The following IBA57 variants were observed in gnomAD, a reference collection of about 807,000 sequenced individuals.
IBA57 encodes the protein iron-sulfur cluster assembly factor IBA57, mitochondrial.
A neutral mutation model predicts 20.4 loss-of-function variants in IBA57; 20 were observed. That is an observed-to-expected ratio of 0.98 (90% confidence interval 0.69 to 1.42). The LOEUF is 1.42. IBA57 is among the 40% of genes most tolerant of loss of function. The pLI is 0.00. For missense variants in IBA57, 608 were observed against 499.3 expected (o/e 1.22, Z -2.07); for synonymous variants, 310 against 233.9 (o/e 1.33, Z -2.97).
chr1:228,173,801 G>T (rs562070704), intron 1 of IBA57, among the ~76,000 whole-genome samples: 6 of 152,334 alleles, frequency 3.9e-5, no homozygotes, highest in South Asian at 4.1e-4. Flanking sequence ...TTCTGCCCTA[G>T]GCTCTGGGAC....
At position 228,170,860 on chromosome 1, in the gene IBA57, C is replaced by T. The variant is rs781496057; in HGVS notation, c.342-3832C>T. Among the ~76,000 whole-genome samples the T allele has an allele frequency of 6.6e-6, 1 of 152,128 alleles. No homozygotes were observed. The highest frequency in any genetic ancestry group is 1.5e-5 in the Non-Finnish European group (1 of 68,022). On this transcript the variant is annotated intron_variant, in intron 1 of 2. Coordinates refer to ENST00000366711, the MANE Select transcript of IBA57 (RefSeq NM_001010867.4). The surrounding 1 kb of genome is among the most constrained non-coding windows in gnomAD (Gnocchi z 4.8). ...AGGGAGGAGAGAGAAGGGAAGGAGT[C>T]AGGCCGGGTCCCAGAGCAGTGTTTT...
Position 228,175,554 on chromosome 1 carries a change from G to T in IBA57, c.*41G>T, listed in dbSNP as rs183209814. The stretch of plus-strand genomic sequence containing the variant: ...GGCGCAGGCTGATGGGGAGGCTGGG[G>T]CCTGGGGCCTTTGGCCTCTGTCCAG... On this transcript the variant is annotated 3_prime_UTR_variant, in exon 3 of 3. Coordinates refer to ENST00000366711, the MANE Select transcript of IBA57 (RefSeq NM_001010867.4). 4 of 1,520,922 alleles carry T rather than the reference G, an allele frequency of 2.6e-6. No homozygotes were observed. The highest frequency in any genetic ancestry group is 3.5e-6 in the Non-Finnish European group (4 of 1,135,564). 94.2% of individuals were successfully genotyped at this position (1,520,922 alleles called of 1,614,324 possible). A position where few individuals can be genotyped will look rare whatever the true frequency, so the allele number is the denominator to read the frequency against.
Position 228,170,934 on chromosome 1 carries a change from C to G in IBA57, c.342-3758C>G, listed in dbSNP as rs981599264. ...GGATCTGATGGCCAGGGGACCCTTT[C>G]TTTCAGTTGGCTGGGCCAGAGCCAC... On this transcript the variant is annotated intron_variant, in intron 1 of 2. Transcript: ENST00000366711. The surrounding 1 kb of genome is among the most constrained non-coding windows in gnomAD (Gnocchi z 4.8). 5.3e-5 allele frequency among the ~76,000 whole-genome samples: 8 copies of G among 152,128 alleles called. No individual in the cohort carries two copies. The highest frequency in any genetic ancestry group is 1.4e-4 in the African/African-American group (6 of 41,428).
chr1:228,172,858 C>T (rs762220467), intron 1 of IBA57: 1 of 152,340 alleles, frequency 6.6e-6, no homozygotes, highest in African/African-American at 2.4e-5. Context: ...GGCGTGGTGA[C>T]CTTTCCGCGG....
At chr1:228,167,932 A>G (rs1205473052) in intron 1 of IBA57, among the ~76,000 whole-genome samples, 1 of 152,180 alleles carries the variant, frequency 6.6e-6, no homozygotes, top group East Asian at 1.9e-4. Context: ...TAGCCTTACA[A>G]TGATGTTGAT....
In IBA57 at chr1:228,166,918, G is replaced by A. The variant is rs2034861630; in HGVS notation, c.341+761G>A. On this transcript the variant is annotated intron_variant, in intron 1 of 2. Coordinates refer to ENST00000366711, the MANE Select transcript of IBA57 (RefSeq NM_001010867.4). ...CTTACTCCTGTGTTTTGGTTTCAGGGGATGGACACCTTTTTAATGACTTCC... is the reference window on the plus strand; with the variant it reads ...CTTACTCCTGTGTTTTGGTTTCAGGAGATGGACACCTTTTTAATGACTTCC... Among the ~76,000 whole-genome samples, 5 of 152,160 alleles carry A rather than the reference G, an allele frequency of 3.3e-5. 1 individual carries two copies. Among genetic ancestry groups the A allele is most frequent in the Admixed American group, 3.3e-4 (5 of 15,274 alleles).
In IBA57 at chr1:228,175,646, C is replaced by T. The variant is rs546264402; in HGVS notation, c.*133C>T. On this transcript the variant is annotated 3_prime_UTR_variant, in exon 3 of 3. Coordinates refer to ENST00000366711, the MANE Select transcript of IBA57 (RefSeq NM_001010867.4). ...AGCCCTGGTTTCCATCTGGGAAAGT[C>T]CCCCTTGTAGGTGCCCTGCCTGGCC... 3.2e-6 allele frequency: 4 copies of T among 1,239,120 alleles called. No individual in the cohort carries two copies. In the South Asian group the frequency reaches 5.2e-5, roughly 16 times the overall value. The allele number at this position is 1,239,120 out of a possible 1,614,324, so 76.8% of individuals were successfully genotyped here. A position where few individuals can be genotyped will look rare whatever the true frequency, so the allele number is the denominator to read the frequency against.
chr1:228,175,208 A>T lies in IBA57; in HGVS notation c.766A>T (p.Thr256Ser), dbSNP rs539057206. The T allele has an allele frequency of 3.7e-6, 6 of 1,612,548 alleles. No homozygotes were observed. In the Admixed American group the frequency reaches 1.0e-4, roughly 27 times the overall value. ...GGCCTTCATGAACGGCGTGAGCTTC[A>T]CCAAAGGCTGCTACATTGGCCAGGA... ...NLAFMNGVSF[T>S]KGCYIGQELT... The change falls in exon 3 of 3, where the codon ACC (threonine) becomes TCC (serine). Residue 256 changes from threonine to serine, a missense_variant. Thr to Ser is a moderately conservative substitution (Grantham distance 58, BLOSUM62 1). Coordinates refer to ENST00000366711, the MANE Select transcript of IBA57 (RefSeq NM_001010867.4).
At chr1:228,166,794 A>G (rs1260403584) in intron 1 of IBA57, among the ~76,000 whole-genome samples, 4 of 152,084 alleles carry the variant, frequency 2.6e-5, no homozygotes, top group Non-Finnish European at 4.4e-5. Context: ...GCTTCCAGGG[A>G]CCTGGATCCC....
Position 228,166,069 on chromosome 1 carries a change from G to T in IBA57, c.253G>T (p.Ala85Ser). ...TGAACTGCCGCTTCCGAGTCCTGCG[G>T]CCGCGGGGGCCCCGCCTGCTGCGCG... The part of the protein sequence containing the change: ...TNELPLPSPA[A>S]AGAPPAARAG... Residue 85 changes from alanine (A) to serine (S), a missense_variant, in exon 1 of 3, where the codon GCC (alanine) becomes TCC (serine). By Grantham distance (99) the Ala-to-Ser change is moderately conservative. Transcript: ENST00000366711. 6.5e-7 allele frequency: 1 copy of T among 1,537,118 alleles called. No homozygotes were observed. Among genetic ancestry groups the T allele is most frequent in the Non-Finnish European group, 8.7e-7 (1 of 1,145,162 alleles).
At chr1:228,168,839 G>A (rs767737846) in intron 1 of IBA57, among the ~76,000 whole-genome samples, 1 of 152,126 alleles carries the variant, frequency 6.6e-6, no homozygotes, top group South Asian at 2.1e-4. Context: ...CAGGTGGGGC[G>A]GGACCATCCT....
At chr1:228,172,406 T>C (rs1394045941) in intron 1 of IBA57, 1 of 152,256 alleles carries the variant, frequency 6.6e-6, no homozygotes, top group African/African-American at 2.4e-5. Flanking sequence ...AATCGTGTCA[T>C]TTCAGGAGTG....
Position 228,179,252 on chromosome 1 carries a change from G to A in IBA57, c.*3739G>A, listed in dbSNP as rs1219321184. 2 of 152,062 alleles carry A rather than the reference G, an allele frequency of 1.3e-5. No homozygotes were observed. Among genetic ancestry groups the A allele is most frequent in the African/African-American group, 4.8e-5 (2 of 41,374 alleles). The allele number at this position is 152,062 out of a possible 1,614,324, so 9.4% of individuals were successfully genotyped here. A position where few individuals can be genotyped will look rare whatever the true frequency, so the allele number is the denominator to read the frequency against. On this transcript the variant is annotated 3_prime_UTR_variant, in exon 3 of 3. Coordinates refer to ENST00000366711, the MANE Select transcript of IBA57 (RefSeq NM_001010867.4). ...AAGCAGACACATCACATGGAATGAG[G>A]ATGTTTAATATATTTAAAGAAAACA...
rs749924607 is a variant in IBA57 at position 228,165,997 on chromosome 1, G to A, written c.181G>A (p.Val61Met). The A allele has an allele frequency of 6.5e-7, 1 of 1,528,204 alleles. No homozygotes were observed. Among genetic ancestry groups the A allele is most frequent in the East Asian group, 2.5e-5 (1 of 39,672 alleles). 94.7% of individuals were successfully genotyped at this position (1,528,204 alleles called of 1,614,324 possible). A position where few individuals can be genotyped will look rare whatever the true frequency, so the allele number is the denominator to read the frequency against. Reference sequence around the variant, plus strand: ...GCTGGACGGGCGCACCCTGCTGCGCGTGCGTGGCCCCGACGCGGCGCCCTT... The same window carrying A: ...GCTGGACGGGCGCACCCTGCTGCGCATGCGTGGCCCCGACGCGGCGCCCTT... ...FRLDGRTLLR[V>M]RGPDAAPFLL... The change falls in exon 1 of 3, where the codon GTG (valine) becomes ATG (methionine). Residue 61 changes from valine to methionine, a missense_variant. Val to Met is a conservative substitution (Grantham distance 21). Transcript: ENST00000366711.
chr1:228,174,678 C>G lies in IBA57; in HGVS notation c.342-14C>G. 1 of 1,526,636 alleles carries G rather than the reference C, an allele frequency of 6.6e-7. No individual in the cohort carries two copies. Among genetic ancestry groups the G allele is most frequent in the Non-Finnish European group, 8.8e-7 (1 of 1,138,748 alleles). The allele number at this position is 1,526,636 out of a possible 1,614,324, so 94.6% of individuals were successfully genotyped here. A position where few individuals can be genotyped will look rare whatever the true frequency, so the allele number is the denominator to read the frequency against. ...TTGGTGAGCTGCCATGCGCCCCTGC[C>G]TCTCTCCCTGCAGGCTCCAGGAACA... is the stretch of plus-strand genomic sequence containing the variant. On this transcript the variant is annotated splice_polypyrimidine_tract_variant and intron_variant, in intron 1 of 2. Coordinates refer to ENST00000366711, the MANE Select transcript of IBA57 (RefSeq NM_001010867.4).
rs2035041239 is a variant in IBA57 at position 228,177,261 on chromosome 1, G to A, written c.*1748G>A. ...TGCCTGAAGTTGCCTGGCTTTTCCA[G>A]TGGGGCCTCCTTGAGTGCTGCAGCA... On this transcript the variant is annotated 3_prime_UTR_variant, in exon 3 of 3. Transcript: ENST00000366711. 1 of 152,308 alleles carries A rather than the reference G, an allele frequency of 6.6e-6. No homozygotes were observed. The highest frequency in any genetic ancestry group is 1.5e-5 in the Non-Finnish European group (1 of 68,170). The allele number at this position is 152,308 out of a possible 1,614,324, so 9.4% of individuals were successfully genotyped here.
At position 228,174,948 on chromosome 1, in the gene IBA57, A is replaced by G. The variant is rs1308993714; in HGVS notation, c.598A>G (p.Thr200Ala). The change falls in exon 2 of 3, where the codon ACC (threonine) becomes GCC (alanine). Residue 200 changes from threonine (T) to alanine (A), a missense_variant. Physicochemically the swap from Thr to Ala is moderately conservative, Grantham distance 58 (BLOSUM62 0). Transcript: ENST00000366711. ...AGCACGCATGGGGTGGCGGCTCCTC[A>G]CCCAGGATGAAGGCCCAGCCCTGGT... ...RTARMGWRLL[T>A]QDEGPALVPG... is the part of the protein sequence containing the mutation. 2 of 1,572,508 alleles carry G rather than the reference A, an allele frequency of 1.3e-6. No individual in the cohort carries two copies. The highest frequency in any genetic ancestry group is 8.6e-7 in the Non-Finnish European group (1 of 1,156,100).
Position 228,175,190 on chromosome 1 carries a change from A to T in IBA57, c.748A>T (p.Met250Leu), listed in dbSNP as rs370640121. The T allele has an allele frequency of 1.1e-5, 17 of 1,612,622 alleles. No homozygotes were observed. The highest frequency in any genetic ancestry group is 1.4e-5 in the Non-Finnish European group (17 of 1,179,928). Residue 250 changes from methionine to leucine, a missense_variant, in exon 3 of 3, where the codon ATG (methionine) becomes TTG (leucine). Physicochemically the swap from Met to Leu is conservative, Grantham distance 15. Coordinates refer to ENST00000366711, the MANE Select transcript of IBA57 (RefSeq NM_001010867.4). Reference protein sequence around the residue: ...ALPLESNLAFMNGVSFTKGCY... With the variant: ...ALPLESNLAFLNGVSFTKGCY... ...GCCCCTGGAGTCCAACCTGGCCTTC[A>T]TGAACGGCGTGAGCTTCACCAAAGG...
chr1:228,175,636 C>T lies in IBA57; in HGVS notation c.*123C>T, dbSNP rs1207836058. 4 of 1,296,620 alleles carry T rather than the reference C, an allele frequency of 3.1e-6. No homozygotes were observed. The African/African-American group carries it at 4.5e-5, about 15-fold the overall frequency. The allele number at this position is 1,296,620 out of a possible 1,614,324, so 80.3% of individuals were successfully genotyped here. On this transcript the variant is annotated 3_prime_UTR_variant, in exon 3 of 3. Coordinates refer to ENST00000366711, the MANE Select transcript of IBA57 (RefSeq NM_001010867.4). The stretch of plus-strand genomic sequence containing the variant: ...ACTGGGTGGGAGCCCTGGTTTCCAT[C>T]TGGGAAAGTCCCCCTTGTAGGTGCC...
Sources: gnomAD v4.1 joint callset for allele counts (sites outside exome capture counted in the v4.1 genomes callset) on GRCh38, gnomAD v4.1.1 for gene constraint, Gnocchi (gnomAD v3.1) non-coding constraint, MANE v1.5 for transcripts, NCBI Gene and HGNC (gene_info 2026-07-23, HGNC 2026-07-21) for gene names.